CTNNA3: variants seen among roughly 807,000 people sequenced by gnomAD.
CTNNA3 encodes the protein catenin alpha 3, also known as catenin alpha-3.
In CTNNA3, 76 loss-of-function variants were observed where a neutral mutation model predicts 95.7. The observed-to-expected ratio is 0.79, with a 90% CI of 0.66 to 0.96. The LOEUF is 0.96. Among genes scored for constraint, CTNNA3 ranks in the 40% least tolerant of loss-of-function variants. The pLI is 0.00. For missense variants in CTNNA3, 1,191 were observed against 1,089.8 expected (o/e 1.09, Z -1.31); for synonymous variants, 431 against 374.4 (o/e 1.15, Z -1.74).
chr10:66,645,077 T>C (rs549142980), intron 9 of CTNNA3, among the ~76,000 whole-genome samples: 77 of 152,316 alleles, frequency 5.1e-4, no homozygotes, highest in African/African-American at 1.8e-3. Context: ...AAGGTGTTTA[T>C]CAACAGTTTA....
chr10:66,541,307 C>A (rs759812376), intron 10 of CTNNA3, among the ~76,000 whole-genome samples: 1 of 152,142 alleles, frequency 6.6e-6, no homozygotes, highest in East Asian at 1.9e-4. Flanking sequence ...AATTTAATTA[C>A]ATCAATTTGG....
chr10:66,427,435 C>G (rs1054798525), intron 11 of CTNNA3, among the ~76,000 whole-genome samples: 1 of 151,956 alleles, frequency 6.6e-6, no homozygotes, highest in Non-Finnish European at 1.5e-5. Flanking sequence ...ACTGTCTTAA[C>G]ATCTATAGGG....
rs142626596 is a variant in CTNNA3, at chr10:66,460,589, C to T, written c.1531+60028G>A. ...CATGCACATCCCTGCAAGTCCCTTT[C>T]TTGCATTTTCTCTCTAGTGTTTCTG... On this transcript the variant is annotated intron_variant, in intron 11 of 17. Transcript: ENST00000433211. Among the ~76,000 whole-genome samples, 228 of 152,178 alleles carry T rather than the reference C, an allele frequency of 1.5e-3. 2 individuals carry two copies. Among genetic ancestry groups the T allele is most frequent in the Middle Eastern group, 0.01 (3 of 292 alleles).
At chr10:67,054,106 A>G (rs1486090821) in intron 7 of CTNNA3, among the ~76,000 whole-genome samples, 1 of 152,192 alleles carries the variant, frequency 6.6e-6, no homozygotes, top group Non-Finnish European at 1.5e-5. Context: ...CTTAGTATCC[A>G]TCGCTCCTTT....
chr10:66,203,726 C>T (rs1281071964), intron 13 of CTNNA3, among the ~76,000 whole-genome samples: 1 of 152,078 alleles, frequency 6.6e-6, no homozygotes, highest in Non-Finnish European at 1.5e-5. Context: ...AAATTATGAA[C>T]ACCTAGGGTT....
At chr10:66,346,242 TATATAGAGAGAG>T (rs2092516062) in intron 12 of CTNNA3, among the ~76,000 whole-genome samples, 2 of 8,862 alleles carry the variant, frequency 2.3e-4, no homozygotes, top group Non-Finnish European at 4.7e-4. Context: ...TATATATATA[TATATAGAGAGAG>T]AGAGAGAGAG....
intron 4 of CTNNA3, among the ~76,000 whole-genome samples, chr10:67,526,154 T>C (rs1186704143): frequency 6.6e-6 from 1 of 152,138 alleles, no homozygotes; most frequent in African/African-American, 2.4e-5. Context: ...ATAGCTAATC[T>C]ACCTTACTTA....
chr10:66,770,263 G>C (rs1172516615), intron 8 of CTNNA3, among the ~76,000 whole-genome samples: 2 of 152,108 alleles, frequency 1.3e-5, no homozygotes, highest in African/African-American at 4.8e-5. Flanking sequence ...AAATTGTATA[G>C]TCATATATAC....
chr10:66,664,889 T>TA (rs56801434), intron 9 of CTNNA3, among the ~76,000 whole-genome samples: 5,296 of 134,362 alleles, frequency 0.039, 101 homozygotes, highest in Middle Eastern at 0.074. Context: ...CTGAAAAAAT[T>TA]AAAAAAAAAA....
intron 7 of CTNNA3, among the ~76,000 whole-genome samples, chr10:67,017,554 A>T (rs1322052462): frequency 1.3e-5 from 2 of 152,176 alleles, no homozygotes; most frequent in Non-Finnish European, 2.9e-5. Flanking sequence ...CCTTTAAGAA[A>T]TATACTGTGA....
intron 5 of CTNNA3, among the ~76,000 whole-genome samples, chr10:67,269,944 GA>G (rs1838895897): frequency 6.6e-6 from 1 of 151,872 alleles, no homozygotes; most frequent in African/African-American, 2.4e-5. Flanking sequence ...ACTCAGAAGG[GA>G]AAAAAATATC....
chr10:66,490,442 C>A (rs61867259), intron 11 of CTNNA3, among the ~76,000 whole-genome samples: 1 of 152,216 alleles, frequency 6.6e-6, no homozygotes. Flanking sequence ...TGAAACAGAT[C>A]ATCTTCCAAC....
chr10:66,112,905 C>T (rs1437822913), intron 13 of CTNNA3, among the ~76,000 whole-genome samples: 1 of 152,052 alleles, frequency 6.6e-6, no homozygotes, highest in African/African-American at 2.4e-5. Context: ...CACATCTTGG[C>T]TATCGTGAAT....
chr10:67,479,762 AC>A (rs1487315761), intron 5 of CTNNA3, among the ~76,000 whole-genome samples: 4 of 152,122 alleles, frequency 2.6e-5, no homozygotes, highest in Admixed American at 1.3e-4. Context: ...TGAAATTGAA[AC>A]CCCAAAATAC....
chr10:67,102,608 T>C (rs1036712752), intron 7 of CTNNA3, among the ~76,000 whole-genome samples: 2 of 151,870 alleles, frequency 1.3e-5, no homozygotes, highest in African/African-American at 4.8e-5. Flanking sequence ...TGTTATATGA[T>C]ATTTGTCTTC....
At chr10:67,140,490 A>C (rs1467667241) in intron 7 of CTNNA3, among the ~76,000 whole-genome samples, 1 of 152,152 alleles carries the variant, frequency 6.6e-6, no homozygotes, top group African/African-American at 2.4e-5. Flanking sequence ...TATATACATG[A>C]CTGAAATTTA....
At chr10:66,220,560 C>A (rs549572264) in intron 13 of CTNNA3, among the ~76,000 whole-genome samples, 1 of 152,168 alleles carries the variant, frequency 6.6e-6, no homozygotes, top group Non-Finnish European at 1.5e-5. Context: ...TATTTAACAG[C>A]TCATTGTGAC....
intron 10 of CTNNA3, among the ~76,000 whole-genome samples, chr10:66,546,771 G>A (rs556215598): frequency 1.3e-5 from 2 of 152,142 alleles, no homozygotes; most frequent in African/African-American, 2.4e-5. Context: ...CTCTTGACAC[G>A]TGGAAATTAT....
chr10:66,901,405 C>A (rs1424164196), intron 7 of CTNNA3, among the ~76,000 whole-genome samples: 2 of 152,154 alleles, frequency 1.3e-5, no homozygotes, highest in African/African-American at 2.4e-5. Context: ...ACAACTGGTA[C>A]CAGCCACTGC....
Sources: allele counts gnomAD v4.1 joint callset (sites outside exome capture counted in the v4.1 genomes callset), GRCh38; gene constraint gnomAD v4.1.1; transcripts MANE v1.5; gene names NCBI Gene and HGNC (gene_info 2026-07-23, HGNC 2026-07-21).